Variants in ROBO2 observed in about 807,000 individuals in gnomAD.
The protein encoded by ROBO2 is roundabout guidance receptor 2.
Under a neutral mutation model 160.8 loss-of-function variants are expected in ROBO2, and 53 were observed. The observed-to-expected ratio is 0.33, with a 90% CI of 0.26 to 0.41. The LOEUF (loss-of-function observed/expected upper bound fraction) is 0.41. Ranked by LOEUF, ROBO2 falls within the 10% of genes least tolerant of loss-of-function variation. The probability of loss-of-function intolerance (pLI) is 1.00; values close to 1 mark genes in which losing one functional copy is unlikely to be tolerated. For synonymous variants in ROBO2, 664 were observed against 611.7 expected (o/e 1.09, Z -1.26); for missense variants, 1,577 against 1,722.4 (o/e 0.92, Z 1.49).
chr3:76,306,490 C>A (rs2071345422), intron 2 of ROBO2, among the ~76,000 whole-genome samples: 1 of 151,942 alleles, frequency 6.6e-6, no homozygotes, highest in Non-Finnish European at 1.5e-5. Flanking sequence ...TAGAATAAAT[C>A]ATGGTATTGG....
chr3:77,232,858 A>G lies in ROBO2; in HGVS notation c.388+134518A>G, dbSNP rs549177679. On this transcript the variant is annotated intron_variant, in intron 2 of 25. Coordinates refer to ENST00000461745, the Ensembl canonical transcript of ROBO2. The stretch of plus-strand genomic sequence containing the variant: ...TTTTCTAACATCTAGTGCAGTGCTC[A>G]AAAGTGTCTGTAGATTTTGGTTGCC... 2.6e-5 allele frequency among the ~76,000 whole-genome samples: 4 copies of G among 152,266 alleles called. No individual in the cohort carries two copies. The South Asian group carries it at 8.3e-4, about 32-fold the overall frequency.
intron 2 of ROBO2, among the ~76,000 whole-genome samples, chr3:76,376,596 A>G (rs968760687): frequency 6.6e-6 from 1 of 152,084 alleles, no homozygotes; most frequent in Non-Finnish European, 1.5e-5. Flanking sequence ...ACTGCCCACA[A>G]CAGATAGAAA....
rs974926304 is a variant in ROBO2, at chr3:76,397,809, A to C, written c.109+460207A>C. ...CACACCAGTGAGAATGGCAATCATT[A>C]AAAAGTCAGGAAACAACAGGTGCTG... On this transcript the variant is annotated intron_variant, in intron 2 of 26. Coordinates refer to the ROBO2 transcript ENST00000487694. 5.3e-5 allele frequency among the ~76,000 whole-genome samples: 8 copies of C among 152,018 alleles called. No homozygotes were observed. In the East Asian group the frequency reaches 5.8e-4, roughly 11 times the overall value.
At chr3:77,636,083 G>A (rs1437649255) in intron 24 of ROBO2, among the ~76,000 whole-genome samples, 45 of 151,996 alleles carry the variant, frequency 3.0e-4, no homozygotes, top group East Asian at 1.9e-4. Context: ...CCTCATCATC[G>A]AATCACCTGC....
intron 2 of ROBO2, among the ~76,000 whole-genome samples, chr3:77,146,100 C>A (rs1560105744): frequency 6.6e-6 from 1 of 152,176 alleles, no homozygotes. Flanking sequence ...CCAGAGAAAT[C>A]AAAAAGCCAC....
chr3:76,834,062 T>TTTTCTTTCTTTCTTTCTTTC (rs71104628), intron 2 of ROBO2, among the ~76,000 whole-genome samples: 2,601 of 88,014 alleles, frequency 0.03, 109 homozygotes, highest in East Asian at 0.051. Context: ...CCTTTCTTTC[T>TTTTCTTTCTTTCTTTCTTTC]TTTCTTTCTT....
At chr3:76,832,389 G>A (rs748748923) in intron 2 of ROBO2, among the ~76,000 whole-genome samples, 12 of 152,068 alleles carry the variant, frequency 7.9e-5, no homozygotes, top group Non-Finnish European at 1.3e-4. Flanking sequence ...ATAAGCCTTC[G>A]TCTTTGCCCT....
intron 2 of ROBO2, among the ~76,000 whole-genome samples, chr3:76,288,833 A>T (rs1202297435): frequency 1.3e-5 from 2 of 152,124 alleles, no homozygotes; most frequent in African/African-American, 2.4e-5. Flanking sequence ...ATTCTTTTCT[A>T]TGGCTGCCTA....
chr3:76,024,931 G>A (rs1210915988), intron 2 of ROBO2, among the ~76,000 whole-genome samples: 1 of 149,712 alleles, frequency 6.7e-6, no homozygotes, highest in Non-Finnish European at 1.5e-5. Flanking sequence ...GTATGTGTGT[G>A]TGTGCGTATA....
At chr3:77,352,590 T>A (rs1445134143) in intron 2 of ROBO2, among the ~76,000 whole-genome samples, 1 of 152,034 alleles carries the variant, frequency 6.6e-6, no homozygotes, top group Non-Finnish European at 1.5e-5. Flanking sequence ...TTTTTTCCAA[T>A]AGAAGAAAAC....
intron 2 of ROBO2, among the ~76,000 whole-genome samples, chr3:76,638,465 T>A (rs545646735): frequency 5.1e-4 from 78 of 152,254 alleles, no homozygotes; most frequent in Non-Finnish European, 5.0e-4. Context: ...TTTAAAATTG[T>A]TAACATAGAA....
At chr3:76,472,235 T>G (rs2078703959) in intron 2 of ROBO2, among the ~76,000 whole-genome samples, 1 of 152,186 alleles carries the variant, frequency 6.6e-6, no homozygotes, top group Non-Finnish European at 1.5e-5. Context: ...TTGATTTTTA[T>G]TGTAATATAG....
chr3:76,241,747 A>G (rs1186910817), intron 2 of ROBO2, among the ~76,000 whole-genome samples: 4 of 152,208 alleles, frequency 2.6e-5, no homozygotes, highest in African/African-American at 9.7e-5. Flanking sequence ...TGCTTCATTC[A>G]GTGTGAACTT....
chr3:76,222,410 A>G (rs1377436891), intron 2 of ROBO2, among the ~76,000 whole-genome samples: 1 of 152,184 alleles, frequency 6.6e-6, no homozygotes, highest in Non-Finnish European at 1.5e-5. Flanking sequence ...ACAAGTGTAC[A>G]TGTTGACCTT....
chr3:77,559,813 T>C (rs1370127018), intron 9 of ROBO2, among the ~76,000 whole-genome samples: 1 of 152,016 alleles, frequency 6.6e-6, no homozygotes, highest in Non-Finnish European at 1.5e-5. Context: ...ATAATATTTA[T>C]CTTTAATTTT....
intron 2 of ROBO2, among the ~76,000 whole-genome samples, chr3:76,150,810 G>T (rs1299310030): frequency 2.0e-5 from 3 of 152,008 alleles, no homozygotes; most frequent in Non-Finnish European, 4.4e-5. Flanking sequence ...TGGTTTACTT[G>T]TAGCATTTTT....
intron 2 of ROBO2, among the ~76,000 whole-genome samples, chr3:76,882,368 A>C (rs1175604168): frequency 1.3e-5 from 2 of 152,088 alleles, no homozygotes; most frequent in South Asian, 2.1e-4. Flanking sequence ...TCCACAGCTG[A>C]GTTTATCTTT....
chr3:76,475,885 G>A (rs2078907139), intron 2 of ROBO2, among the ~76,000 whole-genome samples: 1 of 152,198 alleles, frequency 6.6e-6, no homozygotes, highest in African/African-American at 2.4e-5. Flanking sequence ...AGGCACCGTG[G>A]CTCATGCCTG....
intron 2 of ROBO2, among the ~76,000 whole-genome samples, chr3:77,303,399 G>A (rs938088685): frequency 3.3e-5 from 5 of 152,250 alleles, no homozygotes; most frequent in Admixed American, 2.0e-4. Context: ...TGATTTTGGG[G>A]CTAAGGTAGG....
Sources: allele counts gnomAD v4.1 joint callset (sites outside exome capture counted in the v4.1 genomes callset), GRCh38; gene constraint gnomAD v4.1.1; transcripts MANE v1.5; gene names NCBI Gene and HGNC (gene_info 2026-07-23, HGNC 2026-07-21).